Variants in UNC13C observed in about 807,000 individuals in gnomAD.
UNC13C encodes unc-13 homolog C.
UNC13C carries 174 observed loss-of-function variants against 245.4 expected under a neutral mutation model. The observed-to-expected ratio is 0.71, with a 90% CI of 0.63 to 0.80. UNC13C has a LOEUF of 0.80. Ranked by LOEUF, UNC13C falls within the 30% of genes least tolerant of loss-of-function variation. UNC13C has a pLI of 0.00. For missense variants in UNC13C, 2,829 were observed against 2,602.9 expected (o/e 1.09, Z -1.89); for synonymous variants, 992 against 895.1 (o/e 1.11, Z -1.93).
chr15:54,622,784 G>C (rs919464843), intron 31 of UNC13C, among the ~76,000 whole-genome samples: 1 of 151,992 alleles, frequency 6.6e-6, no homozygotes, highest in Non-Finnish European at 1.5e-5. Flanking sequence ...CCAACAACTG[G>C]CTTAGAGTTC....
At chr15:54,595,145 C>G (rs1047036674) in intron 30 of UNC13C, among the ~76,000 whole-genome samples, 3 of 152,166 alleles carry the variant, frequency 2.0e-5, no homozygotes, top group African/African-American at 7.2e-5. Context: ...GGGACTGATA[C>G]AGGTGGGAGT....
intron 4 of UNC13C, among the ~76,000 whole-genome samples, chr15:54,148,166 T>C (rs1701014914): frequency 6.6e-6 from 1 of 152,140 alleles, no homozygotes; most frequent in African/African-American, 2.4e-5. Context: ...ACTGAGATAT[T>C]GTTAAATTAA....
chr15:54,620,573 T>G (rs1900735580), intron 30 of UNC13C, among the ~76,000 whole-genome samples: 1 of 152,056 alleles, frequency 6.6e-6, no homozygotes, highest in African/African-American at 2.4e-5. Context: ...CTGCTCACAT[T>G]AAAGCTTTGG....
At chr15:54,184,845 C>T (rs199949038) in intron 4 of UNC13C, among the ~76,000 whole-genome samples, 11 of 152,052 alleles carry the variant, frequency 7.2e-5, no homozygotes, top group Admixed American at 1.3e-4. Flanking sequence ...ATTGCCACAC[C>T]GACTTCCACA....
intron 7 of UNC13C, among the ~76,000 whole-genome samples, chr15:54,241,322 T>A (rs928216701): frequency 6.6e-6 from 1 of 152,002 alleles, no homozygotes; most frequent in African/African-American, 2.4e-5. Context: ...GTGGAGGTAA[T>A]CAGGAGATCA....
chr15:54,267,337 C>G (rs1219618459), intron 10 of UNC13C, among the ~76,000 whole-genome samples: 1 of 148,554 alleles, frequency 6.7e-6, no homozygotes, highest in Non-Finnish European at 1.5e-5. Context: ...AAAGCACTGG[C>G]TAAGATTTCC....
At chr15:54,191,333 G>C (rs375260182) in intron 4 of UNC13C, among the ~76,000 whole-genome samples, 2 of 152,144 alleles carry the variant, frequency 1.3e-5, no homozygotes, top group South Asian at 4.1e-4. Context: ...AGTTTGCTGA[G>C]AATGATAGTT....
intron 1 of UNC13C, among the ~76,000 whole-genome samples, chr15:53,989,120 G>C (rs972354861): frequency 2.0e-5 from 3 of 151,894 alleles, no homozygotes; most frequent in South Asian, 2.1e-4. Context: ...AAACAGTACA[G>C]AGGAAATTGA....
intron 30 of UNC13C, among the ~76,000 whole-genome samples, chr15:54,605,118 G>T (rs1398098423): frequency 6.6e-6 from 1 of 152,162 alleles, no homozygotes. Context: ...CTGCTGGGTA[G>T]TAAAGCTGGA....
Position 54,013,317 on chromosome 15 carries a change from A to G in UNC13C, c.414A>G (p.Thr138=). The G allele has an allele frequency of 6.2e-7, 1 of 1,613,932 alleles. No individual in the cohort carries two copies. The highest frequency in any genetic ancestry group is 8.5e-7 in the Non-Finnish European group (1 of 1,179,866). The change falls in exon 2 of 33, where the codon ACA becomes ACG. Residue 138 remains threonine, a synonymous_variant. Transcript: ENST00000260323. ...SESLNELRSS[T]ENQAQSTHTM... ...CATTAAATGAACTAAGGAGTAGCACAGAAAACCAGGCACAATCAACACACA... is the reference window on the plus strand; with the variant it reads ...CATTAAATGAACTAAGGAGTAGCACGGAAAACCAGGCACAATCAACACACA...
At chr15:54,417,028 G>A (rs746874723) in intron 19 of UNC13C, 1 of 451,182 alleles carries the variant, frequency 2.2e-6, no homozygotes, top group Non-Finnish European at 4.4e-6. Context: ...CGCATTATCT[G>A]TAGTAGCTCC....
chr15:54,051,135 T>C (rs1307652531), intron 2 of UNC13C, among the ~76,000 whole-genome samples: 3 of 152,220 alleles, frequency 2.0e-5, no homozygotes, highest in African/African-American at 7.2e-5. Flanking sequence ...TAGAGCCACA[T>C]TTATCAATCT....
chr15:53,910,502 G>T, the UNC13C span, among the ~76,000 whole-genome samples: 1 of 146,604 alleles, frequency 6.8e-6, no homozygotes, highest in South Asian at 2.3e-4. Context: ...TGGCTCTTGG[G>T]GCTCGGCTCA....
At chr15:54,087,666 T>C (rs776275836) in intron 2 of UNC13C, among the ~76,000 whole-genome samples, 1 of 152,200 alleles carries the variant, frequency 6.6e-6, no homozygotes, top group Non-Finnish European at 1.5e-5. Flanking sequence ...CAGTTACCAC[T>C]GAGAGGGGCC....
At chr15:54,317,277 G>A (rs1451801372) in intron 13 of UNC13C, among the ~76,000 whole-genome samples, 1 of 151,876 alleles carries the variant, frequency 6.6e-6, no homozygotes, top group Non-Finnish European at 1.5e-5. Flanking sequence ...AACGTGTGGT[G>A]AAGATTGTAT....
At chr15:54,268,514 A>G (rs1424957915) in intron 10 of UNC13C, among the ~76,000 whole-genome samples, 1 of 152,038 alleles carries the variant, frequency 6.6e-6, no homozygotes, top group African/African-American at 2.4e-5. Flanking sequence ...GACATTGCAA[A>G]TGTTACTTTG....
In UNC13C at chr15:54,187,490, G is replaced by A. The variant is rs190146212; in HGVS notation, c.3071+43806G>A. ...GCTCTTTGAATTCCAGTCACACTAG[G>A]TTTCAGTTTCTAAAATATGAATAGG... On this transcript the variant is annotated intron_variant, in intron 4 of 32. Coordinates refer to ENST00000260323, the MANE Select transcript of UNC13C (RefSeq NM_001080534.3). Among the ~76,000 whole-genome samples the A allele has an allele frequency of 1.5e-3, 235 of 152,136 alleles. 1 individual carries two copies. Among genetic ancestry groups the A allele is most frequent in the Non-Finnish European group, 2.7e-3 (184 of 67,996 alleles).
At chr15:53,985,388 AG>A (rs1256687672) in intron 1 of UNC13C, among the ~76,000 whole-genome samples, 3 of 148,392 alleles carry the variant, frequency 2.0e-5, no homozygotes, top group African/African-American at 7.5e-5. Flanking sequence ...TTTAAGTTTT[AG>A]GGCACATGTG....
chr15:54,110,575 G>T (rs1019893771), intron 2 of UNC13C, among the ~76,000 whole-genome samples: 1 of 152,084 alleles, frequency 6.6e-6, no homozygotes, highest in Non-Finnish European at 1.5e-5. Flanking sequence ...GATTAAAAGA[G>T]GATTACACTT....
Sources: allele counts gnomAD v4.1 joint callset (sites outside exome capture counted in the v4.1 genomes callset), GRCh38; gene constraint gnomAD v4.1.1; transcripts MANE v1.5; gene names NCBI Gene and HGNC (gene_info 2026-07-23, HGNC 2026-07-21).